The following AGBL1 variants were observed in gnomAD, a reference collection of about 807,000 sequenced individuals.
AGBL1 encodes cytosolic carboxypeptidase 4.
A neutral mutation model predicts 118.9 loss-of-function variants in AGBL1; 130 were observed. The ratio of observed to expected loss-of-function variants is 1.09; its 90% CI spans 0.95 to 1.26. The LOEUF (loss-of-function observed/expected upper bound fraction) is 1.26, where lower values mean the gene tolerates loss of function less well. AGBL1 is among the 50% of genes most tolerant of loss of function. AGBL1 has a pLI of 0.00. For synonymous variants in AGBL1, 555 were observed against 478.9 expected, an observed-to-expected ratio of 1.16 and a Z score of -2.08; for missense variants, 1,584 against 1,298.1, an observed-to-expected ratio of 1.22 and a Z score of -3.38.
chr15:86,974,276 T>G (rs1294972696), intron 23 of AGBL1, among the ~76,000 whole-genome samples: 1 of 2,286 alleles, frequency 4.4e-4, no homozygotes, highest in African/African-American at 2.1e-3. Context: ...TTTTAATATA[T>G]TAAATATAAA....
chr15:86,822,314 A>G (rs1167437264), intron 22 of AGBL1, among the ~76,000 whole-genome samples: 1 of 152,152 alleles, frequency 6.6e-6, no homozygotes, highest in African/African-American at 2.4e-5. Flanking sequence ...CAGTTTCATT[A>G]ACCCCTTCTC....
Position 86,419,462 on chromosome 15 carries a change from G to A in AGBL1, c.2555+21916G>A, listed in dbSNP as rs182952500. Among the ~76,000 whole-genome samples the A allele has an allele frequency of 2.2e-4, 34 of 152,224 alleles. No individual in the cohort carries two copies. The East Asian group carries it at 2.3e-3, about 10-fold the overall frequency. On this transcript the variant is annotated intron_variant, in intron 18 of 22. Transcript: ENST00000614907. Reference sequence around the variant, plus strand: ...TGCTTTTCCCACAGTCTTTGCAACCGGCAGACCAGGAGAATCCCTTGGGTG... The same window carrying A: ...TGCTTTTCCCACAGTCTTTGCAACCAGCAGACCAGGAGAATCCCTTGGGTG...
intron 18 of AGBL1, among the ~76,000 whole-genome samples, chr15:86,516,217 C>A (rs535071079): frequency 2.0e-5 from 3 of 152,098 alleles, no homozygotes; most frequent in African/African-American, 7.2e-5. Flanking sequence ...CTTTGAGTTC[C>A]GTCATCTTTG....
chr15:86,847,934 C>A (rs537064044), intron 22 of AGBL1, among the ~76,000 whole-genome samples: 1 of 152,308 alleles, frequency 6.6e-6, no homozygotes, highest in South Asian at 2.1e-4. Context: ...CTTGATCACA[C>A]TAGGTCCTCA....
At chr15:86,089,850 TC>T (rs146294340) in intron 1 of AGBL1, among the ~76,000 whole-genome samples, 4,238 of 152,192 alleles carry the variant, frequency 0.028, 106 homozygotes, top group Non-Finnish European at 0.037. Context: ...AATCCCACTT[TC>T]CCTTTGACTT....
chr15:86,838,309 A>C lies in AGBL1; in HGVS notation c.3159-68778A>C, dbSNP rs540946440. Among the ~76,000 whole-genome samples, 21 of 152,330 alleles carry C rather than the reference A, an allele frequency of 1.4e-4. 1 individual carries two copies. In the South Asian group the frequency reaches 4.1e-3, roughly 30 times the overall value. On this transcript the variant is annotated intron_variant, in intron 22 of 22. Coordinates refer to ENST00000614907, the MANE Select transcript of AGBL1 (RefSeq NM_001386094.1). The stretch of plus-strand genomic sequence containing the variant: ...CTGTAAGTTAGTGTGTTATATACCA[A>C]GCTTCTTATAGAAGAGGCTATAGAG...
chr15:86,384,630 G>A (rs1317363749), intron 17 of AGBL1, among the ~76,000 whole-genome samples: 3 of 152,132 alleles, frequency 2.0e-5, no homozygotes, highest in Non-Finnish European at 4.4e-5. Flanking sequence ...AATGCAGATG[G>A]ATTGGCTCAT....
chr15:86,450,013 C>G (rs570354972), intron 18 of AGBL1, among the ~76,000 whole-genome samples: 3 of 152,310 alleles, frequency 2.0e-5, no homozygotes, highest in Admixed American at 2.0e-4. Flanking sequence ...GTTCACCTAC[C>G]CATAGTCCTG....
At chr15:86,321,306 T>A (rs1425809321) in intron 17 of AGBL1, among the ~76,000 whole-genome samples, 1 of 152,198 alleles carries the variant, frequency 6.6e-6, no homozygotes, top group African/African-American at 2.4e-5. Flanking sequence ...TTTTCTTATT[T>A]ATTTTTGAAA....
intron 22 of AGBL1, among the ~76,000 whole-genome samples, chr15:86,799,751 A>G (rs1214474795): frequency 6.6e-6 from 1 of 152,162 alleles, no homozygotes. Flanking sequence ...CCATTTTGAA[A>G]TTGTTAGCTG....
intron 22 of AGBL1, among the ~76,000 whole-genome samples, chr15:86,879,761 G>C (rs1477823367): frequency 6.6e-6 from 1 of 152,148 alleles, no homozygotes; most frequent in Non-Finnish European, 1.5e-5. Context: ...TCTTTATTTA[G>C]CTCCGCTGCA....
chr15:86,693,348 A>G (rs1176088644), intron 22 of AGBL1, among the ~76,000 whole-genome samples: 1 of 152,100 alleles, frequency 6.6e-6, no homozygotes, highest in Non-Finnish European at 1.5e-5. Flanking sequence ...TTCCCTGATC[A>G]TTAGTGATGC....
chr15:86,665,430 T>C (rs2085627553), intron 21 of AGBL1, among the ~76,000 whole-genome samples: 1 of 152,164 alleles, frequency 6.6e-6, no homozygotes, highest in Non-Finnish European at 1.5e-5. Flanking sequence ...CGATTATGAT[T>C]TGGGGCTGAG....
chr15:86,862,156 C>G, intron 22 of AGBL1, among the ~76,000 whole-genome samples: 1 of 152,156 alleles, frequency 6.6e-6, no homozygotes, highest in East Asian at 1.9e-4. Context: ...ATGAAAAACA[C>G]AAACCATAGT....
chr15:86,789,157 G>A (rs750302511), intron 22 of AGBL1, among the ~76,000 whole-genome samples: 6 of 152,236 alleles, frequency 3.9e-5, no homozygotes, highest in Non-Finnish European at 7.3e-5. Flanking sequence ...GCCACTGCCT[G>A]CAATGTTTCA....
chr15:86,997,513 C>G (rs1370339421), intron 24 of AGBL1, among the ~76,000 whole-genome samples: 1 of 152,022 alleles, frequency 6.6e-6, no homozygotes, highest in Non-Finnish European at 1.5e-5. Context: ...GTGGCTTTTT[C>G]CCCCTTCAGA....
intron 22 of AGBL1, among the ~76,000 whole-genome samples, chr15:86,880,013 C>A (rs1273983724): frequency 1.3e-5 from 2 of 152,168 alleles, no homozygotes; most frequent in African/African-American, 2.4e-5. Context: ...AATGTGTTAA[C>A]CTTGGCCTGA....
intron 23 of AGBL1, among the ~76,000 whole-genome samples, chr15:86,938,199 G>A (rs1047343954): frequency 6.6e-6 from 1 of 152,132 alleles, no homozygotes; most frequent in Non-Finnish European, 1.5e-5. Flanking sequence ...GAAGTCTGCT[G>A]GGAAGTGGGT....
intron 18 of AGBL1, among the ~76,000 whole-genome samples, chr15:86,455,488 A>C (rs1278655156): frequency 6.6e-6 from 1 of 152,114 alleles, no homozygotes; most frequent in Non-Finnish European, 1.5e-5. Flanking sequence ...TTAATGTAAA[A>C]TTGTTATGAT....
Sources: allele counts gnomAD v4.1 joint callset (sites outside exome capture counted in the v4.1 genomes callset), GRCh38; gene constraint gnomAD v4.1.1; transcripts MANE v1.5; gene names NCBI Gene and HGNC (gene_info 2026-07-23, HGNC 2026-07-21).